Variants in PTPRT observed in about 807,000 individuals in gnomAD.
PTPRT encodes receptor-type tyrosine-protein phosphatase T.
PTPRT carries 56 observed loss-of-function variants against 176.8 expected under a neutral mutation model. The ratio of observed to expected loss-of-function variants is 0.32; its 90% CI spans 0.26 to 0.40. The LOEUF (loss-of-function observed/expected upper bound fraction) is 0.40. Ranked by LOEUF, PTPRT falls within the 10% of genes least tolerant of loss-of-function variation. The pLI is 1.00. For synonymous variants in PTPRT, 783 were observed against 739.0 expected, an observed-to-expected ratio of 1.06 and a Z score of -0.96; for missense variants, 1,540 against 1,908.2, an observed-to-expected ratio of 0.81 and a Z score of 3.60.
intron 13 of PTPRT, among the ~76,000 whole-genome samples, chr20:42,252,735 T>C (rs2056567354): frequency 6.6e-6 from 1 of 152,108 alleles, no homozygotes; most frequent in African/African-American, 2.4e-5. Flanking sequence ...ACCATAAACC[T>C]ACAAAAGAAC....
At chr20:43,100,249 C>T (rs1042645878) in intron 1 of PTPRT, among the ~76,000 whole-genome samples, 17 of 152,096 alleles carry the variant, frequency 1.1e-4, no homozygotes, top group South Asian at 4.2e-4. Context: ...TCATGACACA[C>T]GCCTGTAATC....
intron 26 of PTPRT, among the ~76,000 whole-genome samples, chr20:42,101,642 T>G (rs1005822502): frequency 1.3e-5 from 2 of 152,200 alleles, no homozygotes; most frequent in Non-Finnish European, 2.9e-5. Flanking sequence ...AATAACCATT[T>G]ACTGAGCCCC....
At chr20:43,126,976 T>TA (rs2013463707) in intron 1 of PTPRT, among the ~76,000 whole-genome samples, 1 of 152,260 alleles carries the variant, frequency 6.6e-6, no homozygotes, top group Non-Finnish European at 1.5e-5. Context: ...GAAATAGACT[T>TA]ACGATTATTA....
chr20:42,785,316 T>C (rs865911918), intron 3 of PTPRT, among the ~76,000 whole-genome samples: 2 of 152,178 alleles, frequency 1.3e-5, no homozygotes. Context: ...TAAAAGTCAA[T>C]TTTAGAACTA....
At chr20:42,634,115 TA>T (rs1377565595) in intron 7 of PTPRT, among the ~76,000 whole-genome samples, 3 of 55,506 alleles carry the variant, frequency 5.4e-5, no homozygotes, top group African/African-American at 3.7e-4. Flanking sequence ...TATAATAATA[TA>T]ATATATTATA....
intron 7 of PTPRT, among the ~76,000 whole-genome samples, chr20:42,600,963 G>A (rs1045650618): frequency 6.6e-6 from 1 of 152,054 alleles, no homozygotes; most frequent in Admixed American, 6.5e-5. Context: ...AACAGGGTGG[G>A]TTTGGATCCC....
intron 22 of PTPRT, among the ~76,000 whole-genome samples, chr20:42,114,350 C>T (rs1317699895): frequency 8.5e-5 from 13 of 152,128 alleles, no homozygotes; most frequent in Non-Finnish European, 1.8e-4. Flanking sequence ...AGTTACTCTA[C>T]GCAAAGCATT....
intron 16 of PTPRT, among the ~76,000 whole-genome samples, chr20:42,166,656 T>C (rs373391666): frequency 6.6e-6 from 1 of 152,200 alleles, no homozygotes; most frequent in African/African-American, 2.4e-5. Flanking sequence ...CGGTGGTTCA[T>C]GCCTGTAATC....
chr20:42,494,333 T>C (rs879446916), intron 7 of PTPRT, among the ~76,000 whole-genome samples: 1 of 152,150 alleles, frequency 6.6e-6, no homozygotes, highest in Admixed American at 6.6e-5. Context: ...GTTATAAGAA[T>C]GCATGGGGAG....
intron 9 of PTPRT, among the ~76,000 whole-genome samples, chr20:42,399,839 A>G (rs184766122): frequency 1.1e-4 from 16 of 152,350 alleles, no homozygotes; most frequent in Admixed American, 9.8e-4. Context: ...GCCACCATTT[A>G]CATCACTTTT....
intron 1 of PTPRT, among the ~76,000 whole-genome samples, chr20:43,031,381 C>G (rs1986131892): frequency 6.6e-6 from 1 of 152,178 alleles, no homozygotes; most frequent in South Asian, 2.1e-4. Context: ...GACACAGCAA[C>G]AAGGCAACAT....
intron 1 of PTPRT, among the ~76,000 whole-genome samples, chr20:43,123,254 G>T (rs933089292): frequency 2.6e-5 from 4 of 152,218 alleles, no homozygotes; most frequent in Non-Finnish European, 2.9e-5. Flanking sequence ...AAGGGGAAGA[G>T]TAAAACTGTT....
chr20:42,409,455 C>A (rs1404386882), intron 9 of PTPRT, among the ~76,000 whole-genome samples: 1 of 125,636 alleles, frequency 8.0e-6, no homozygotes, highest in African/African-American at 3.1e-5. Context: ...GTACTCCAGC[C>A]TGGGCAACAG....
chr20:43,180,550 A>C (rs1600776596), intron 1 of PTPRT, among the ~76,000 whole-genome samples: 1 of 150,786 alleles, frequency 6.6e-6, no homozygotes, highest in African/African-American at 2.4e-5. Flanking sequence ...TGCAACCTCC[A>C]CCTCCCAGGT....
intron 1 of PTPRT, among the ~76,000 whole-genome samples, chr20:43,171,070 CG>C (rs1439385456): frequency 2.0e-5 from 3 of 152,128 alleles, no homozygotes; most frequent in African/African-American, 7.2e-5. Context: ...AGGGTCTTGA[CG>C]TGGATTAAAT....
At chr20:43,111,546 GAA>G (rs11424029) in intron 1 of PTPRT, among the ~76,000 whole-genome samples, 15,969 of 82,826 alleles carry the variant, frequency 0.19, 1,316 homozygotes, top group African/African-American at 0.33. Context: ...TCCGTCTCAG[GAA>G]AAAAAAAAAA....
chr20:42,626,077 C>G (rs1007506685), intron 7 of PTPRT, among the ~76,000 whole-genome samples: 3 of 152,020 alleles, frequency 2.0e-5, no homozygotes, highest in African/African-American at 7.2e-5. Context: ...ATGAGACTAA[C>G]TATCGAGCTT....
chr20:42,392,543 A>G (rs965276234), intron 9 of PTPRT, among the ~76,000 whole-genome samples: 1 of 152,188 alleles, frequency 6.6e-6, no homozygotes. Flanking sequence ...GGCTTGGCAT[A>G]GGAAGAAGTG....
chr20:42,582,080 A>G (rs2073383716), intron 7 of PTPRT, among the ~76,000 whole-genome samples: 1 of 152,132 alleles, frequency 6.6e-6, no homozygotes, highest in African/African-American at 2.4e-5. Flanking sequence ...TGATGATTAT[A>G]ATAATGGTGG....
Sources: allele counts gnomAD v4.1 joint callset (sites outside exome capture counted in the v4.1 genomes callset), GRCh38; gene constraint gnomAD v4.1.1; transcripts MANE v1.5; gene names NCBI Gene and HGNC (gene_info 2026-07-23, HGNC 2026-07-21).